ARFGEF2: variants seen among roughly 807,000 people sequenced by gnomAD.
ARFGEF2 encodes the protein brefeldin A-inhibited guanine nucleotide-exchange protein 2.
A neutral mutation model predicts 219.9 loss-of-function variants in ARFGEF2; 74 were observed. That is an observed-to-expected ratio of 0.34 (90% CI 0.28 to 0.41). The LOEUF is 0.41. Among genes scored for constraint, ARFGEF2 ranks in the 10% least tolerant of loss-of-function variants. ARFGEF2 has a pLI of 1.00. For synonymous variants in ARFGEF2, 733 were observed against 799.2 expected (o/e 0.92, Z 1.40); for missense variants, 1,743 against 2,218.3 (o/e 0.79, Z 4.30).
At chr20:49,007,712 C>G (rs1011366158) in intron 26 of ARFGEF2, among the ~76,000 whole-genome samples, 18 of 149,048 alleles carry the variant, frequency 1.2e-4, no homozygotes, top group Non-Finnish European at 4.4e-5. Context: ...GTCTCTCTTT[C>G]TCCTAGTGTC....
chr20:48,969,429 T>G, intron 9 of ARFGEF2, 152 bp downstream of exon 9: 1 of 1,419,994 alleles, frequency 7.0e-7, no homozygotes, highest in Non-Finnish European at 9.7e-7. Flanking sequence ...TTCAGACTCA[T>G]GCAGTCTCTA....
At chr20:48,967,926 A>AT (rs2091198625) in intron 8 of ARFGEF2, among the ~76,000 whole-genome samples, 1 of 152,154 alleles carries the variant, frequency 6.6e-6, no homozygotes, top group Admixed American at 6.5e-5. Flanking sequence ...AGGTTTTCAT[A>AT]TTTCCTTAAT....
At chr20:48,950,812 ATATATATATAT>A (rs1457893478) in intron 3 of ARFGEF2, among the ~76,000 whole-genome samples, 9 of 43,992 alleles carry the variant, frequency 2.0e-4, no homozygotes, top group South Asian at 1.0e-3. Flanking sequence ...AAAAAAAAAA[ATATATATATAT>A]ATATATATAT....
At chr20:49,000,189 C>T (rs1456365451) in intron 25 of ARFGEF2, among the ~76,000 whole-genome samples, 2 of 152,336 alleles carry the variant, frequency 1.3e-5, no homozygotes, top group Middle Eastern at 3.4e-3. Flanking sequence ...CATATGTAGG[C>T]TTGCTTCTAA....
intron 26 of ARFGEF2, among the ~76,000 whole-genome samples, chr20:49,009,604 G>T (rs550167028): frequency 1.3e-5 from 2 of 152,262 alleles, no homozygotes; most frequent in Non-Finnish European, 1.5e-5. Context: ...GTCTTAACAG[G>T]TTGAGAGACA....
At chr20:48,983,396 C>A (rs1391883805) in intron 14 of ARFGEF2, among the ~76,000 whole-genome samples, 1 of 152,178 alleles carries the variant, frequency 6.6e-6, no homozygotes, top group Non-Finnish European at 1.5e-5. Context: ...AATTACAGTA[C>A]TCACTTATTA....
chr20:49,035,654 G>C lies in ARFGEF2; in HGVS notation c.*2455G>C, dbSNP rs2091662206. 1 of 152,288 alleles carries C rather than the reference G, an allele frequency of 6.6e-6. No individual in the cohort carries two copies. Among genetic ancestry groups the C allele is most frequent in the Non-Finnish European group, 1.5e-5 (1 of 68,102 alleles). The allele number at this position is 152,288 out of a possible 1,614,324, so 9.4% of individuals were successfully genotyped here. A position where few individuals can be genotyped will look rare whatever the true frequency, so the allele number is the denominator to read the frequency against. On this transcript the variant is annotated 3_prime_UTR_variant, in exon 39 of 39. Transcript: ENST00000371917. ...ACACCATTTATTTAACCAAGTAATG[G>C]AGGAGAGTGAAACATTTTCCAAGGC...
intron 6 of ARFGEF2, among the ~76,000 whole-genome samples, chr20:48,958,707 G>T (rs1021285689): frequency 3.4e-4 from 52 of 152,014 alleles, no homozygotes; most frequent in African/African-American, 1.2e-3. Flanking sequence ...TTCCCAAAGT[G>T]CTGGGATTAC....
At chr20:48,999,543 C>T (rs994118912) in intron 25 of ARFGEF2, among the ~76,000 whole-genome samples, 1 of 151,898 alleles carries the variant, frequency 6.6e-6, no homozygotes, top group Non-Finnish European at 1.5e-5. Context: ...GTCAGGAGAT[C>T]GAGACCGTCC....
At chr20:49,006,641 G>A (rs934895020) in intron 26 of ARFGEF2, among the ~76,000 whole-genome samples, 2 of 152,170 alleles carry the variant, frequency 1.3e-5, no homozygotes, top group Non-Finnish European at 2.9e-5. Context: ...TCTGAGAGTG[G>A]CCATATGCTG....
chr20:49,011,004 G>C lies in ARFGEF2; in HGVS notation c.3757+600G>C, dbSNP rs569962582. Among the ~76,000 whole-genome samples, 46 of 152,280 alleles carry C rather than the reference G, an allele frequency of 3.0e-4. No homozygotes were observed. The South Asian group carries it at 7.5e-3, about 25-fold the overall frequency. ...GTTTTTTTACATTTTCGTGCTTTTT[G>C]TTGGTGATTTCACTGTTTAAAATGC... On this transcript the variant is annotated intron_variant, in intron 27 of 38. Transcript: ENST00000371917.
intron 16 of ARFGEF2, among the ~76,000 whole-genome samples, chr20:48,986,157 G>A (rs2091325460): frequency 6.6e-6 from 1 of 152,192 alleles, no homozygotes; most frequent in African/African-American, 2.4e-5. Flanking sequence ...TACCTCCTGT[G>A]TGTGGGCCAT....
intron 14 of ARFGEF2, among the ~76,000 whole-genome samples, chr20:48,982,379 G>A (rs560245124): frequency 5.9e-4 from 90 of 152,260 alleles, no homozygotes; most frequent in African/African-American, 2.0e-3. Context: ...TGGAAGCATC[G>A]TCCCAGAGGG....
chr20:48,959,937 A>G (rs2091135168), intron 6 of ARFGEF2, among the ~76,000 whole-genome samples: 1 of 152,126 alleles, frequency 6.6e-6, no homozygotes, highest in Admixed American at 6.5e-5. Context: ...TTATTTTAAT[A>G]TGCATTCAGA....
At position 48,974,792 on chromosome 20, in the gene ARFGEF2, G is replaced by A; in HGVS notation, c.1692G>A (p.Leu564=). Residue 564 remains leucine, a synonymous_variant, in exon 13 of 39, where the codon CTG becomes CTA. Coordinates refer to ENST00000371917, the MANE Select transcript of ARFGEF2 (RefSeq NM_006420.3). ...AGCTCAGCCTGAGGAAGAAAGGCCT[G>A]GAGTGCCTCGTGTCCATTCTCAAGT... ...LQELSLRKKG[L]ECLVSILKCM... is the part of the protein sequence containing the mutation. 1 of 1,613,810 alleles carries A rather than the reference G, an allele frequency of 6.2e-7. No individual in the cohort carries two copies. Among genetic ancestry groups the A allele is most frequent in the African/African-American group, 1.3e-5 (1 of 75,022 alleles).
chr20:48,991,984 G>T (rs1370642825), intron 21 of ARFGEF2, among the ~76,000 whole-genome samples: 1 of 152,190 alleles, frequency 6.6e-6, no homozygotes, highest in Non-Finnish European at 1.5e-5. Flanking sequence ...AAGCATGTTA[G>T]ATATGAGGGT....
rs543275379 is a variant in ARFGEF2 at position 48,987,169 on chromosome 20, C to T, written c.2277-1135C>T. ...TGGACATTAGAACTCTCTATGAAGG[C>T]ATAATTAGATGCTGTTTACTTTAAA... On this transcript the variant is annotated intron_variant, in intron 16 of 38. Coordinates refer to ENST00000371917, the MANE Select transcript of ARFGEF2 (RefSeq NM_006420.3). Among the ~76,000 whole-genome samples the T allele has an allele frequency of 3.3e-5, 5 of 152,310 alleles. No homozygotes were observed. In the East Asian group the frequency reaches 9.6e-4, roughly 29 times the overall value.
intron 14 of ARFGEF2, among the ~76,000 whole-genome samples, chr20:48,983,153 C>T (rs6019570): frequency 0.62 from 93,656 of 152,016 alleles, 29,010 homozygotes; most frequent in African/African-American, 0.68. Flanking sequence ...GTTTTATTTA[C>T]GTATATATTT....
intron 30 of ARFGEF2, 141 bp from the exon 31 acceptor site, chr20:49,016,139 G>T (rs2091528383): frequency 3.6e-6 from 3 of 842,746 alleles, no homozygotes; most frequent in Admixed American, 4.0e-5. Flanking sequence ...CTGTACATAT[G>T]AATGTATTAA....
Sources: gnomAD v4.1 joint callset for allele counts (sites outside exome capture counted in the v4.1 genomes callset) on GRCh38, gnomAD v4.1.1 for gene constraint, MANE v1.5 for transcripts, NCBI Gene and HGNC (gene_info 2026-07-23, HGNC 2026-07-21) for gene names.